Variants in SIK2 observed in about 807,000 individuals in gnomAD.
SIK2 encodes salt inducible kinase 2.
SIK2 carries 29 observed loss-of-function variants against 103.2 expected under a neutral mutation model. That is an observed-to-expected ratio of 0.28 (90% CI 0.21 to 0.38). The LOEUF is 0.38. SIK2 is among the 10% of genes least tolerant of loss of function. The pLI is 1.00. For synonymous variants in SIK2, 412 were observed against 446.1 expected (o/e 0.92, Z 0.96); for missense variants, 879 against 1,171.0 (o/e 0.75, Z 3.64).
At position 111,700,947 on chromosome 11, in the gene SIK2, C is replaced by T. The variant is rs748748894; in HGVS notation, c.540C>T (p.Pro180=). Residue 180 remains proline, a synonymous_variant, in exon 5 of 15, where the codon CCC becomes CCT. Transcript: ENST00000304987. Reference sequence around the variant, plus strand: ...TGCTGGCAACATGGTGTGGCAGCCCCCCTTATGCAGCCCCAGAAGTCTTTG... The same window carrying T: ...TGCTGGCAACATGGTGTGGCAGCCCTCCTTATGCAGCCCCAGAAGTCTTTG... ...GELLATWCGS[P]PYAAPEVFEG... The T allele has an allele frequency of 6.2e-7, 1 of 1,614,024 alleles. No homozygotes were observed. Among genetic ancestry groups the T allele is most frequent in the Non-Finnish European group, 8.5e-7 (1 of 1,179,962 alleles).
intron 9 of SIK2, among the ~76,000 whole-genome samples, chr11:111,718,020 G>A (rs1943696014): frequency 6.6e-6 from 1 of 151,902 alleles, no homozygotes. Flanking sequence ...CATGACACAC[G>A]TTTACCTATG....
intron 10 of SIK2, among the ~76,000 whole-genome samples, chr11:111,720,243 C>G (rs1000458269): frequency 2.6e-5 from 4 of 152,190 alleles, no homozygotes; most frequent in Admixed American, 6.5e-5. Flanking sequence ...CGTGATTGAT[C>G]AGGGACTCTG....
At chr11:111,627,277 C>A (rs1048342022) in intron 3 of SIK2, among the ~76,000 whole-genome samples, 1 of 152,012 alleles carries the variant, frequency 6.6e-6, no homozygotes, top group African/African-American at 2.4e-5. Context: ...ATTAGTCCCC[C>A]CTATCAGAGG....
intron 3 of SIK2, among the ~76,000 whole-genome samples, chr11:111,651,040 G>C (rs1942320336): frequency 6.6e-6 from 1 of 152,140 alleles, no homozygotes; most frequent in Non-Finnish European, 1.5e-5. Flanking sequence ...CTTCACGTTA[G>C]AGTTATATAT....
At position 111,705,226 on chromosome 11, in the gene SIK2, A is replaced by G; in HGVS notation, c.1101+87A>G. On this transcript the variant is annotated intron_variant, in intron 8 of 14. Coordinates refer to ENST00000304987, the MANE Select transcript of SIK2 (RefSeq NM_015191.3). The surrounding 1 kb of genome is among the most constrained non-coding windows in gnomAD (Gnocchi z 4.3). ...TTTTCATCTTATACACAGGGTTAGG[A>G]TTTCATCCTCTACACTCCGTTTTTC... The G allele has an allele frequency of 7.4e-7, 1 of 1,346,780 alleles. No individual in the cohort carries two copies. The highest frequency in any genetic ancestry group is 2.9e-5 in the East Asian group (1 of 34,804). The allele number at this position is 1,346,780 out of a possible 1,614,324, so 83.4% of individuals were successfully genotyped here. A position where few individuals can be genotyped will look rare whatever the true frequency, so the allele number is the denominator to read the frequency against.
At chr11:111,630,979 G>T (rs1942029671) in intron 3 of SIK2, among the ~76,000 whole-genome samples, 1 of 152,066 alleles carries the variant, frequency 6.6e-6, no homozygotes, top group African/African-American at 2.4e-5. Flanking sequence ...GAAACAGCTA[G>T]AAAAGAAAAG....
chr11:111,713,152 G>A (rs1943548310), intron 9 of SIK2, among the ~76,000 whole-genome samples: 1 of 152,002 alleles, frequency 6.6e-6, no homozygotes, highest in Admixed American at 6.6e-5. Flanking sequence ...GTGACAGAGT[G>A]AGACTCCATC....
intron 3 of SIK2, among the ~76,000 whole-genome samples, chr11:111,632,919 G>A (rs576940881): frequency 6.6e-6 from 1 of 151,976 alleles, no homozygotes; most frequent in Non-Finnish European, 1.5e-5. Flanking sequence ...ATGTGGCTTT[G>A]GTCCTGTATT....
At chr11:111,607,856 T>A (rs955875784) in intron 1 of SIK2, among the ~76,000 whole-genome samples, 1 of 152,224 alleles carries the variant, frequency 6.6e-6, no homozygotes, top group Non-Finnish European at 1.5e-5. Flanking sequence ...AAATTTTAAC[T>A]TTAACAGAGT....
At chr11:111,635,211 G>C (rs945580713) in intron 3 of SIK2, among the ~76,000 whole-genome samples, 1 of 151,912 alleles carries the variant, frequency 6.6e-6, no homozygotes, top group Non-Finnish European at 1.5e-5. Flanking sequence ...AGCTGTGTGT[G>C]GTAGTCCTAG....
chr11:111,640,234 T>A (rs920047734), intron 3 of SIK2, among the ~76,000 whole-genome samples: 6 of 152,248 alleles, frequency 3.9e-5, no homozygotes, highest in African/African-American at 1.2e-4. Context: ...ATATTCCCAG[T>A]TGCTAGTCCA....
At chr11:111,625,301 G>A (rs1941947052) in intron 3 of SIK2, among the ~76,000 whole-genome samples, 1 of 152,186 alleles carries the variant, frequency 6.6e-6, no homozygotes. Context: ...AGCTGTTGGA[G>A]TAGTTCCAGT....
chr11:111,720,415 G>C, intron 10 of SIK2, 63 bp from the exon 11 acceptor site: 1 of 1,478,110 alleles, frequency 6.8e-7, no homozygotes, highest in Non-Finnish European at 9.1e-7. Flanking sequence ...GTTATGCTTT[G>C]TACCCTATGT....
intron 9 of SIK2, among the ~76,000 whole-genome samples, chr11:111,715,471 G>C (rs1262598774): frequency 1.3e-5 from 2 of 152,298 alleles, no homozygotes; most frequent in East Asian, 3.9e-4. Context: ...CAGGTATTGT[G>C]CATCTCAAAG....
intron 8 of SIK2, among the ~76,000 whole-genome samples, chr11:111,709,786 C>T (rs955352884): frequency 2.6e-5 from 4 of 152,202 alleles, no homozygotes; most frequent in Non-Finnish European, 5.9e-5. Context: ...CAACAAAAAG[C>T]GTTATTCCTT....
At chr11:111,663,865 GTTA>G (rs572472059) in intron 3 of SIK2, among the ~76,000 whole-genome samples, 142 of 152,184 alleles carry the variant, frequency 9.3e-4, no homozygotes, top group Non-Finnish European at 1.8e-3. Context: ...AATGGATAGA[GTTA>G]TTATCACTGT....
intron 8 of SIK2, among the ~76,000 whole-genome samples, chr11:111,709,332 C>T (rs1943435344): frequency 6.6e-6 from 1 of 152,240 alleles, no homozygotes; most frequent in Admixed American, 6.5e-5. Flanking sequence ...TTCTTCAAGG[C>T]CCTGTCTCCA....
At chr11:111,713,438 A>G (rs1000070943) in intron 9 of SIK2, among the ~76,000 whole-genome samples, 2 of 152,140 alleles carry the variant, frequency 1.3e-5, no homozygotes, top group African/African-American at 4.8e-5. Flanking sequence ...GTTTTCTCTT[A>G]TATAAAAGGA....
At chr11:111,650,124 T>C (rs2135863070) in intron 3 of SIK2, among the ~76,000 whole-genome samples, 1 of 152,186 alleles carries the variant, frequency 6.6e-6, no homozygotes, top group Non-Finnish European at 1.5e-5. Context: ...GGTGTACATA[T>C]ATGCTAAACA....
Sources: allele counts gnomAD v4.1 joint callset (sites outside exome capture counted in the v4.1 genomes callset), GRCh38; gene constraint gnomAD v4.1.1; non-coding constraint Gnocchi (gnomAD v3.1); transcripts MANE v1.5; gene names NCBI Gene and HGNC (gene_info 2026-07-23, HGNC 2026-07-21).